Variants in BICD1 observed in about 807,000 individuals in gnomAD.
BICD1 encodes BICD cargo adaptor 1.
A neutral mutation model predicts 92.5 loss-of-function variants in BICD1; 35 were observed. The observed-to-expected ratio is 0.38, with a 90% CI of 0.29 to 0.50. The LOEUF is 0.50. Among genes scored for constraint, BICD1 ranks in the 20% least tolerant of loss-of-function variants. BICD1 has a pLI of 0.93. For missense variants in BICD1, 950 were observed against 1,189.8 expected, an observed-to-expected ratio of 0.80 and a Z score of 2.97; for synonymous variants, 429 against 465.1, an observed-to-expected ratio of 0.92 and a Z score of 1.00.
At chr12:32,223,536 A>AAG (rs1491048494) in intron 2 of BICD1, among the ~76,000 whole-genome samples, 49 of 151,226 alleles carry the variant, frequency 3.2e-4, no homozygotes, top group Admixed American at 1.5e-3. Context: ...AAAAAAAAAA[A>AAG]GAATCAAAGA....
At chr12:32,344,640 AG>A (rs1938502784) in intron 8 of BICD1, among the ~76,000 whole-genome samples, 1 of 152,232 alleles carries the variant, frequency 6.6e-6, no homozygotes, top group Non-Finnish European at 1.5e-5. Context: ...ATATTTCATC[AG>A]CCAGCATGTC....
chr12:32,107,727 T>A (rs2121106555), intron 1 of BICD1, 183 bp downstream of exon 1: 1 of 787,816 alleles, frequency 1.3e-6, no homozygotes, highest in Non-Finnish European at 2.2e-6. Flanking sequence ...AAAAATTGCC[T>A]AAGAAATGAA....
chr12:32,184,582 G>T (rs550826569), intron 1 of BICD1, among the ~76,000 whole-genome samples: 1 of 152,144 alleles, frequency 6.6e-6, no homozygotes, highest in Admixed American at 6.5e-5. Context: ...ACCGCGCCCG[G>T]CCAAAATAAT....
intron 1 of BICD1, among the ~76,000 whole-genome samples, chr12:32,212,408 C>G (rs926407127): frequency 3.9e-5 from 6 of 152,128 alleles, no homozygotes; most frequent in African/African-American, 1.4e-4. Context: ...AGCCCAGAAG[C>G]AATATGCTGT....
chr12:32,217,652 G>C (rs1945399099), intron 2 of BICD1, among the ~76,000 whole-genome samples: 1 of 152,218 alleles, frequency 6.6e-6, no homozygotes, highest in Non-Finnish European at 1.5e-5. Context: ...AGATGAGACA[G>C]TTTTCAGGAT....
At chr12:32,249,746 G>T (rs1024262999) in intron 2 of BICD1, among the ~76,000 whole-genome samples, 1 of 150,710 alleles carries the variant, frequency 6.6e-6, no homozygotes, top group Non-Finnish European at 1.5e-5. Context: ...GTATGCCAAA[G>T]TTGTTCCATT....
chr12:32,141,212 A>G (rs1942909260), intron 1 of BICD1, among the ~76,000 whole-genome samples: 1 of 152,232 alleles, frequency 6.6e-6, no homozygotes. Context: ...CAAACAAGAC[A>G]GCGTTTCGAT....
chr12:32,275,441 G>A (rs1441271090), intron 2 of BICD1, among the ~76,000 whole-genome samples: 1 of 152,142 alleles, frequency 6.6e-6, no homozygotes, highest in Non-Finnish European at 1.5e-5. Context: ...TCTGGAATCA[G>A]TATCTCCTCA....
intron 1 of BICD1, among the ~76,000 whole-genome samples, chr12:32,165,359 CA>C (rs1169516048): frequency 2.6e-5 from 4 of 151,964 alleles, no homozygotes; most frequent in South Asian, 2.1e-4. Flanking sequence ...ACTGAAAATA[CA>C]AAAAAATTAG....
At chr12:32,314,598 T>C (rs1006870961) in intron 4 of BICD1, among the ~76,000 whole-genome samples, 1 of 152,224 alleles carries the variant, frequency 6.6e-6, no homozygotes, top group African/African-American at 2.4e-5. Flanking sequence ...ATTCAGATTA[T>C]TTTTTGACTG....
intron 2 of BICD1, among the ~76,000 whole-genome samples, chr12:32,247,328 G>A (rs994179197): frequency 1.3e-5 from 2 of 152,076 alleles, no homozygotes; most frequent in African/African-American, 4.8e-5. Context: ...TAGAGGCTGG[G>A]CTAGAGAAAG....
intron 2 of BICD1, among the ~76,000 whole-genome samples, chr12:32,251,489 G>A (rs1460664232): frequency 2.4e-5 from 2 of 83,936 alleles, no homozygotes; most frequent in East Asian, 8.3e-4. Flanking sequence ...CTCTAGGGAA[G>A]AATCTTTTCC....
At chr12:32,323,615 G>A (rs2136249262) in intron 4 of BICD1, among the ~76,000 whole-genome samples, 1 of 152,264 alleles carries the variant, frequency 6.6e-6, no homozygotes, top group Admixed American at 6.5e-5. Flanking sequence ...TAATTTGTGG[G>A]TTGCTTTCCT....
At chr12:32,154,494 A>G (rs1279775963) in intron 1 of BICD1, among the ~76,000 whole-genome samples, 1 of 152,142 alleles carries the variant, frequency 6.6e-6, no homozygotes, top group African/African-American at 2.4e-5. Flanking sequence ...TGTAGCACTC[A>G]CCATTACTTG....
chr12:32,301,194 A>G (rs1289345447), intron 3 of BICD1, among the ~76,000 whole-genome samples: 1 of 152,110 alleles, frequency 6.6e-6, no homozygotes, highest in East Asian at 1.9e-4. Flanking sequence ...CTTCATCCTC[A>G]GTTTCCCCCT....
At chr12:32,154,706 C>G (rs1808827625) in intron 1 of BICD1, among the ~76,000 whole-genome samples, 1 of 152,186 alleles carries the variant, frequency 6.6e-6, no homozygotes, top group Admixed American at 6.5e-5. Flanking sequence ...TGCTTATAAC[C>G]CAATACTTGA....
chr12:32,339,031 C>T (rs774736117), intron 8 of BICD1, 52 bp downstream of exon 8: 59 of 1,505,234 alleles, frequency 3.9e-5, no homozygotes, highest in Non-Finnish European at 5.2e-5. Flanking sequence ...GTTGAATAGA[C>T]TCTCCCCTTC....
intron 1 of BICD1, among the ~76,000 whole-genome samples, chr12:32,198,723 A>C (rs993265527): frequency 2.0e-5 from 3 of 151,674 alleles, no homozygotes; most frequent in African/African-American, 7.3e-5. Flanking sequence ...GTGTTGCTAA[A>C]CCTATCATCC....
Position 32,141,180 on chromosome 12 carries a change from T to C in BICD1, c.213+33636T>C, listed in dbSNP as rs948176013. ...GAACATAAGGCGCTCCATCTGCCGC[T>C]TTAAAGTGAAGATTTATAATTCAAA... On this transcript the variant is annotated intron_variant, in intron 1 of 9. Transcript: ENST00000652176. 2.0e-5 allele frequency among the ~76,000 whole-genome samples: 3 copies of C among 152,222 alleles called. No homozygotes were observed. In the East Asian group the frequency reaches 5.8e-4, roughly 29 times the overall value.
Sources: gnomAD v4.1 joint callset for allele counts (sites outside exome capture counted in the v4.1 genomes callset) on GRCh38, gnomAD v4.1.1 for gene constraint, MANE v1.5 for transcripts, NCBI Gene and HGNC (gene_info 2026-07-23, HGNC 2026-07-21) for gene names.